The following GARNL3 variants were observed in gnomAD, a reference collection of about 807,000 sequenced individuals.
GARNL3 encodes the protein GTPase activating Rap/RanGAP domain like 3, also known as GTPase-activating Rap/Ran-GAP domain-like protein 3.
Under a neutral mutation model 125.0 loss-of-function variants are expected in GARNL3, and 63 were observed. The observed-to-expected ratio is 0.50, with a 90% CI of 0.41 to 0.62. The LOEUF is 0.62. GARNL3 is among the 20% of genes least tolerant of loss of function. The pLI, the probability that GARNL3 is intolerant of heterozygous loss-of-function variation, is 0.00. For missense variants in GARNL3, 994 were observed against 1,244.0 expected, an observed-to-expected ratio of 0.80 and a Z score of 3.02; for synonymous variants, 439 against 457.5, an observed-to-expected ratio of 0.96 and a Z score of 0.52.
At chr9:127,298,687 G>C (rs1391089371) in intron 2 of GARNL3, among the ~76,000 whole-genome samples, 1 of 152,142 alleles carries the variant, frequency 6.6e-6, no homozygotes, top group Non-Finnish European at 1.5e-5. Flanking sequence ...TATCAAAGAA[G>C]TGGCTTACTG....
intron 1 of GARNL3, among the ~76,000 whole-genome samples, chr9:127,237,619 C>A (rs770851824): frequency 7.9e-5 from 12 of 152,182 alleles, no homozygotes; most frequent in African/African-American, 1.2e-4. Context: ...GAAAGTTGGT[C>A]ACATAGTAGC....
chr9:127,323,951 G>C (rs1304227499), intron 6 of GARNL3, among the ~76,000 whole-genome samples: 1 of 152,048 alleles, frequency 6.6e-6, no homozygotes, highest in African/African-American at 2.4e-5. Flanking sequence ...TTTTTTCCCA[G>C]AATTCAGAAA....
At chr9:127,318,157 A>C in intron 5 of GARNL3, 30 bp downstream of exon 5, 2 of 1,323,512 alleles carry the variant, frequency 1.5e-6, no homozygotes, top group Non-Finnish European at 2.2e-6. Context: ...AACCCCACAC[A>C]TGGATTTGGA....
chr9:127,253,675 G>A (rs902691459), intron 2 of GARNL3, among the ~76,000 whole-genome samples: 8 of 152,130 alleles, frequency 5.3e-5, no homozygotes, highest in African/African-American at 1.9e-4. Flanking sequence ...AGTGCTGAGC[G>A]GGGAGTGGTG....
chr9:127,235,814 G>T (rs1220255452), intron 1 of GARNL3, among the ~76,000 whole-genome samples: 1 of 152,174 alleles, frequency 6.6e-6, no homozygotes, highest in Non-Finnish European at 1.5e-5. Flanking sequence ...AATCTCACTG[G>T]ACTGGCTTCA....
chr9:127,318,716 G>A (rs764808799), intron 5 of GARNL3, among the ~76,000 whole-genome samples: 4 of 152,032 alleles, frequency 2.6e-5, no homozygotes, highest in African/African-American at 7.2e-5. Context: ...GCCTCCCCTA[G>A]GGAATGCCGC....
chr9:127,338,202 A>T, intron 12 of GARNL3, 41 bp downstream of exon 12: 1 of 1,419,400 alleles, frequency 7.0e-7, no homozygotes, highest in Admixed American at 1.7e-5. Context: ...CCTAATTCTC[A>T]TGCTTGTTAA....
chr9:127,306,655 A>G (rs971258615), intron 2 of GARNL3, among the ~76,000 whole-genome samples: 6 of 150,650 alleles, frequency 4.0e-5, no homozygotes, highest in African/African-American at 1.5e-4. Context: ...TGAACCCGGG[A>G]GGTGGAGCTT....
intron 21 of GARNL3, among the ~76,000 whole-genome samples, chr9:127,361,271 AAGAGAGAG>A (rs61658215): frequency 2.9e-4 from 43 of 149,266 alleles, no homozygotes; most frequent in Admixed American, 2.5e-3. Flanking sequence ...TATTTTTTTT[AAGAGAGAG>A]AGAGAGAGAG....
chr9:127,251,706 G>T (rs766388793), intron 2 of GARNL3, among the ~76,000 whole-genome samples: 1 of 152,112 alleles, frequency 6.6e-6, no homozygotes, highest in East Asian at 1.9e-4. Flanking sequence ...TTGAGACTAA[G>T]AATTTCTCAC....
At chr9:127,262,144 G>T (rs4075654), upstream of GARNL3, among the ~76,000 whole-genome samples, 6,881 of 152,180 alleles carry the variant, frequency 0.045, 413 homozygotes, top group African/African-American at 0.14. Context: ...CTACTTTAGG[G>T]TGTTGCTATT....
At position 127,392,196 on chromosome 9, in the gene GARNL3, G is replaced by A. The variant is rs1832905973; in HGVS notation, c.2871-887G>A. On this transcript the variant is annotated intron_variant, in intron 27 of 27. Transcript: ENST00000373387. This position sits in a 1 kb window ranked among gnomAD's most constrained non-coding sequence, Gnocchi z 5.2. ...CTCTCAGAAGTCATAACCTGACAAG[G>A]CCCCTGCCCTCAGGGACTTTGCATT... 6.6e-6 allele frequency among the ~76,000 whole-genome samples: 1 copy of A among 152,222 alleles called. No individual in the cohort carries two copies. Among genetic ancestry groups the A allele is most frequent in the Non-Finnish European group, 1.5e-5 (1 of 68,034 alleles).
At chr9:127,369,193 A>C (rs1831471613) in intron 22 of GARNL3, 1 of 152,126 alleles carries the variant, frequency 6.6e-6, no homozygotes, top group South Asian at 2.1e-4. Context: ...AGAAGAAAAA[A>C]AAAGGAAGAC....
At chr9:127,281,513 A>C (rs1164997146) in intron 1 of GARNL3, among the ~76,000 whole-genome samples, 1 of 152,132 alleles carries the variant, frequency 6.6e-6, no homozygotes, top group Non-Finnish European at 1.5e-5. Flanking sequence ...CTCAGCACCC[A>C]GCTGCCCAGC....
At chr9:127,310,738 C>G (rs2065070375) in intron 2 of GARNL3, among the ~76,000 whole-genome samples, 1 of 147,604 alleles carries the variant, frequency 6.8e-6, no homozygotes. Flanking sequence ...GGCACCACTG[C>G]ACTCCAGCCT....
intron 8 of GARNL3, among the ~76,000 whole-genome samples, chr9:127,332,713 G>A (rs1188872056): frequency 6.6e-6 from 1 of 152,122 alleles, no homozygotes. Context: ...CACTTTTCGT[G>A]TTAAATACCT....
chr9:127,387,446 T>C (rs1832601787), intron 25 of GARNL3, 115 bp downstream of exon 25: 1 of 1,099,670 alleles, frequency 9.1e-7, no homozygotes, highest in Admixed American at 2.9e-5. Context: ...TTTAAAGCCA[T>C]TAAAAAAAGA....
chr9:127,366,477 A>G (rs1225598543), intron 22 of GARNL3, among the ~76,000 whole-genome samples: 1 of 152,216 alleles, frequency 6.6e-6, no homozygotes, highest in South Asian at 2.1e-4. Flanking sequence ...GCTGCCCTGC[A>G]TCCCCAGGTT....
intron 16 of GARNL3, 29 bp from the exon 17 acceptor site, chr9:127,348,895 T>C (rs369465482): frequency 6.7e-7 from 1 of 1,498,974 alleles, no homozygotes; most frequent in African/African-American, 1.4e-5. Flanking sequence ...CTGGTGCACT[T>C]ATCTTCCGAT....
Sources: allele counts gnomAD v4.1 joint callset (sites outside exome capture counted in the v4.1 genomes callset), GRCh38; gene constraint gnomAD v4.1.1; non-coding constraint Gnocchi (gnomAD v3.1); transcripts MANE v1.5; gene names NCBI Gene and HGNC (gene_info 2026-07-23, HGNC 2026-07-21).